The following PLXNA4 variants were observed in gnomAD, a reference collection of about 807,000 sequenced individuals.
The protein encoded by PLXNA4 is plexin A4.
In PLXNA4, 44 loss-of-function variants were observed where a neutral mutation model predicts 191.8. The ratio of observed to expected loss-of-function variants is 0.23; its 90% CI spans 0.18 to 0.29. The LOEUF is 0.29. PLXNA4 is among the 10% of genes least tolerant of loss of function. PLXNA4 has a pLI of 1.00. For missense variants in PLXNA4, 1,800 were observed against 2,488.8 expected, an observed-to-expected ratio of 0.72 and a Z score of 5.89; for synonymous variants, 1,082 against 1,009.5, an observed-to-expected ratio of 1.07 and a Z score of -1.36.
chr7:132,572,732 A>G (rs1802036244), intron 1 of PLXNA4, among the ~76,000 whole-genome samples: 2 of 152,166 alleles, frequency 1.3e-5, no homozygotes, highest in Non-Finnish European at 2.9e-5. Flanking sequence ...ACAACATGAA[A>G]GAAGAAAGAA....
intron 2 of PLXNA4, among the ~76,000 whole-genome samples, chr7:132,615,096 A>C (rs1222655984): frequency 6.6e-6 from 1 of 152,172 alleles, no homozygotes; most frequent in Non-Finnish European, 1.5e-5. Context: ...TACCATCAGC[A>C]CAAGGCTTTA....
chr7:132,193,126 G>A (rs566758579), intron 14 of PLXNA4, among the ~76,000 whole-genome samples: 2 of 152,328 alleles, frequency 1.3e-5, no homozygotes. Context: ...GTGTTGAGAT[G>A]TTGGACTTTT....
intron 7 of PLXNA4, 49 bp downstream of exon 7, chr7:132,227,402 C>G (rs762138265): frequency 6.2e-7 from 1 of 1,611,152 alleles, no homozygotes; most frequent in Admixed American, 1.7e-5. Context: ...TTCTCCTTAT[C>G]TAGCCAGGAG....
Position 132,203,383 on chromosome 7 carries a change from C to G in PLXNA4, c.2335G>C (p.Val779Leu). Reference protein sequence around the residue: ...YEGMEINNLPVELTVVWNGHF... With the variant: ...YEGMEINNLPLELTVVWNGHF... ...CCATTCCACACGACTGTCAACTCCA[C>G]GGGCAGGTTGTTGATCTCCATCCCT... is the stretch of plus-strand genomic sequence containing the variant. The change falls in exon 11 of 32, where the codon GTG (valine) becomes CTG (leucine). Residue 779 changes from valine to leucine, a missense_variant. By Grantham distance (32) the Val-to-Leu change is conservative. Coordinates refer to ENST00000321063, the MANE Select transcript of PLXNA4 (RefSeq NM_020911.2). 6.2e-7 allele frequency: 1 copy of G among 1,614,138 alleles called. No homozygotes were observed. Among genetic ancestry groups the G allele is most frequent in the Non-Finnish European group, 8.5e-7 (1 of 1,180,022 alleles).
intron 10 of PLXNA4, among the ~76,000 whole-genome samples, chr7:132,206,716 G>A (rs1324578557): frequency 1.3e-5 from 2 of 152,116 alleles, no homozygotes; most frequent in African/African-American, 4.8e-5. Context: ...GCAGGGTAGG[G>A]GAAAGGGGTG....
chr7:132,428,936 G>T (rs1357824943), intron 3 of PLXNA4, among the ~76,000 whole-genome samples: 1 of 152,188 alleles, frequency 6.6e-6, no homozygotes, highest in Non-Finnish European at 1.5e-5. Flanking sequence ...CTTCTGGAAA[G>T]CTTTCGGGGT....
At chr7:132,389,617 A>T (rs1352508001) in intron 3 of PLXNA4, among the ~76,000 whole-genome samples, 1 of 152,090 alleles carries the variant, frequency 6.6e-6, no homozygotes, top group Non-Finnish European at 1.5e-5. Context: ...GTTCTGTTCC[A>T]TTGGTCTAGA....
At chr7:132,204,032 G>C (rs536403871) in intron 10 of PLXNA4, among the ~76,000 whole-genome samples, 1 of 152,170 alleles carries the variant, frequency 6.6e-6, no homozygotes, top group African/African-American at 2.4e-5. Flanking sequence ...ATGGGAGCTT[G>C]TTGGTGACGG....
chr7:132,538,294 G>T (rs1433821943), intron 1 of PLXNA4, among the ~76,000 whole-genome samples: 1 of 152,198 alleles, frequency 6.6e-6, no homozygotes, highest in African/African-American at 2.4e-5. Flanking sequence ...CGGGCCCCAT[G>T]AAGTTATATG....
rs147972764 is a variant in PLXNA4 at position 132,270,562 on chromosome 7, A to C, written c.1503+27529T>G. Among the ~76,000 whole-genome samples the C allele has an allele frequency of 6.6e-5, 10 of 152,358 alleles. No homozygotes were observed. In the East Asian group the frequency reaches 1.3e-3, roughly 21 times the overall value. ...GCATTCTGTCCCTGCTCATCAAAGA[A>C]GTTGCTCAAATTTGTGGGATAGAGG... On this transcript the variant is annotated intron_variant, in intron 4 of 31. Coordinates refer to ENST00000321063, the MANE Select transcript of PLXNA4 (RefSeq NM_020911.2).
At chr7:132,365,177 T>C (rs1804103397) in intron 3 of PLXNA4, among the ~76,000 whole-genome samples, 1 of 152,200 alleles carries the variant, frequency 6.6e-6, no homozygotes, top group Non-Finnish European at 1.5e-5. Flanking sequence ...AGTCTATGTC[T>C]GGTTCATTTA....
At chr7:132,540,210 A>G (rs567856663) in intron 1 of PLXNA4, among the ~76,000 whole-genome samples, 23 of 152,290 alleles carry the variant, frequency 1.5e-4, no homozygotes, top group African/African-American at 5.5e-4. Context: ...AGCATGCAGC[A>G]TGTCTCTGCC....
chr7:132,174,828 G>A lies in PLXNA4; in HGVS notation c.3967C>T (p.Arg1323Trp), dbSNP rs747801776. ...TCTTCAATTCCTGGGAACAGCACCC[G>A]CATGGTGTAAGTTCTATAGTCCAGG... is the stretch of plus-strand genomic sequence containing the variant. ...PFLDYRTYTM[R>W]VLFPGIEDHP... The change falls in exon 21 of 32, where the codon CGG (arginine) becomes TGG (tryptophan). Residue 1323 changes from arginine (R) to tryptophan (W), a missense_variant. Arg to Trp is a moderately radical substitution (Grantham distance 101, BLOSUM62 -3). Around this residue, in one of 6 missense-constraint regions of PLXNA4, gnomAD observed 1,397 missense variants for 1,880.4 expected, o/e 0.74. Coordinates refer to ENST00000321063, the MANE Select transcript of PLXNA4 (RefSeq NM_020911.2). The A allele has an allele frequency of 1.2e-5, 19 of 1,614,084 alleles. No individual in the cohort carries two copies. Among genetic ancestry groups the A allele is most frequent in the Admixed American group, 3.3e-5 (2 of 60,004 alleles).
chr7:132,281,983 A>C (rs1413527878), intron 4 of PLXNA4, among the ~76,000 whole-genome samples: 2 of 152,100 alleles, frequency 1.3e-5, no homozygotes, highest in African/African-American at 2.4e-5. Flanking sequence ...GTTGAAACTG[A>C]CTCAGCCAGT....
intron 1 of PLXNA4, among the ~76,000 whole-genome samples, chr7:132,562,938 C>CTCCT (rs1801325305): frequency 9.3e-6 from 1 of 107,944 alleles, no homozygotes; most frequent in African/African-American, 4.0e-5. Flanking sequence ...CTCCCTCCTC[C>CTCCT]TCTCCCTCCT....
chr7:132,502,333 C>G (rs1208125881), intron 2 of PLXNA4, among the ~76,000 whole-genome samples: 1 of 152,206 alleles, frequency 6.6e-6, no homozygotes, highest in African/African-American at 2.4e-5. Context: ...GTCATGCACA[C>G]AGCAGGGCAG....
Position 132,124,698 on chromosome 7 carries a change from T to C in PLXNA4, c.*5781A>G, listed in dbSNP as rs1794721370. 1 of 152,150 alleles carries C rather than the reference T, an allele frequency of 6.6e-6. No homozygotes were observed. The highest frequency in any genetic ancestry group is 2.4e-5 in the African/African-American group (1 of 41,426). The allele number at this position is 152,150 out of a possible 1,614,324, so 9.4% of individuals were successfully genotyped here. A position where few individuals can be genotyped will look rare whatever the true frequency, so the allele number is the denominator to read the frequency against. On this transcript the variant is annotated 3_prime_UTR_variant, in exon 32 of 32. Coordinates refer to ENST00000321063, the MANE Select transcript of PLXNA4 (RefSeq NM_020911.2). ...GAAAGCTGATAAGAGATGTGTAGGA[T>C]TCGGCAGTACCAGGGGCAGCCCAGA...
At chr7:132,648,082 CAA>C (rs1020936571) in intron 1 of PLXNA4, among the ~76,000 whole-genome samples, 12 of 148,876 alleles carry the variant, frequency 8.1e-5, no homozygotes, top group African/African-American at 2.9e-4. Context: ...CACAAACTCA[CAA>C]ACTCAGTGTC....
intron 3 of PLXNA4, among the ~76,000 whole-genome samples, chr7:132,376,498 A>G (rs1430281949): frequency 6.6e-6 from 1 of 152,208 alleles, no homozygotes; most frequent in Non-Finnish European, 1.5e-5. Flanking sequence ...CTCAGCAACT[A>G]TAAACACTGA....
Sources: gnomAD v4.1 joint callset for allele counts (sites outside exome capture counted in the v4.1 genomes callset) on GRCh38, gnomAD v4.1.1 for gene constraint, gnomAD v4.1.1 regional missense constraint, MANE v1.5 for transcripts, NCBI Gene and HGNC (gene_info 2026-07-23, HGNC 2026-07-21) for gene names.